AFG1L: variants seen among roughly 807,000 people sequenced by gnomAD.
AFG1L encodes AFG1 like ATPase.
A neutral mutation model predicts 62.2 loss-of-function variants in AFG1L; 53 were observed. That is an observed-to-expected ratio of 0.85 (90% CI 0.68 to 1.07). The LOEUF (loss-of-function observed/expected upper bound fraction) is 1.07. Ranked by LOEUF, AFG1L falls within the 50% of genes least tolerant of loss-of-function variation. AFG1L has a pLI of 0.00. For missense variants in AFG1L, 555 were observed against 590.5 expected (o/e 0.94, Z 0.62); for synonymous variants, 228 against 210.3 (o/e 1.08, Z -0.73).
At chr6:108,503,282 A>G (rs1774274482) in intron 10 of AFG1L, among the ~76,000 whole-genome samples, 1 of 152,206 alleles carries the variant, frequency 6.6e-6, no homozygotes, top group Admixed American at 6.5e-5. Context: ...GAATCGCTAT[A>G]TGTGGCAGCT....
intron 1 of AFG1L, among the ~76,000 whole-genome samples, chr6:108,304,242 G>T (rs956927717): frequency 1.3e-5 from 2 of 152,148 alleles, no homozygotes; most frequent in African/African-American, 4.8e-5. Context: ...GTTTAATTAA[G>T]ATTTGATTTT....
chr6:108,376,097 A>G (rs1457160997), intron 6 of AFG1L, among the ~76,000 whole-genome samples: 1 of 152,104 alleles, frequency 6.6e-6, no homozygotes, highest in Non-Finnish European at 1.5e-5. Flanking sequence ...GTTTGTGTGC[A>G]TAGAGGTGTT....
chr6:108,332,771 C>A (rs1198832193), intron 2 of AFG1L, among the ~76,000 whole-genome samples: 1 of 152,002 alleles, frequency 6.6e-6, no homozygotes, highest in South Asian at 2.1e-4. Context: ...CCATGCCTGG[C>A]TAATTTTTTG....
chr6:108,419,669 C>G (rs1246535541), intron 7 of AFG1L, among the ~76,000 whole-genome samples: 1 of 152,028 alleles, frequency 6.6e-6, no homozygotes, highest in Non-Finnish European at 1.5e-5. Context: ...GTTTAATGTT[C>G]AGGTAATGAC....
chr6:108,386,231 G>A (rs1043484510), intron 6 of AFG1L, among the ~76,000 whole-genome samples: 1 of 152,220 alleles, frequency 6.6e-6, no homozygotes, highest in Non-Finnish European at 1.5e-5. Context: ...GGAGGCCAAG[G>A]CGGGTGGATC....
intron 6 of AFG1L, among the ~76,000 whole-genome samples, chr6:108,374,449 C>A (rs1008377441): frequency 6.6e-6 from 1 of 152,142 alleles, no homozygotes; most frequent in Non-Finnish European, 1.5e-5. Flanking sequence ...AGATTTTCAT[C>A]TAGGATTCTT....
At chr6:108,441,701 T>TAAA (rs33913085) in intron 7 of AFG1L, among the ~76,000 whole-genome samples, 17 of 141,788 alleles carry the variant, frequency 1.2e-4, no homozygotes, top group African/African-American at 3.7e-4. Flanking sequence ...GAGGTTTATT[T>TAAA]AAAAAAAAAA....
intron 2 of AFG1L, among the ~76,000 whole-genome samples, chr6:108,344,396 A>G (rs965118132): frequency 3.9e-5 from 6 of 152,094 alleles, no homozygotes; most frequent in Admixed American, 2.6e-4. Flanking sequence ...TACAGGCATG[A>G]GCCATCGCGC....
intron 7 of AFG1L, among the ~76,000 whole-genome samples, chr6:108,417,200 T>A (rs1770337466): frequency 6.7e-6 from 1 of 149,066 alleles, no homozygotes; most frequent in East Asian, 2.0e-4. Context: ...CACCACTGGA[T>A]TCCAGCGTGG....
intron 10 of AFG1L, among the ~76,000 whole-genome samples, chr6:108,507,074 A>G (rs980679884): frequency 4.6e-5 from 7 of 152,106 alleles, no homozygotes; most frequent in Admixed American, 4.6e-4. Flanking sequence ...CTTCTTTCTC[A>G]TGTTTTTAAA....
chr6:108,335,426 G>A (rs1778440001), intron 2 of AFG1L, among the ~76,000 whole-genome samples: 1 of 152,216 alleles, frequency 6.6e-6, no homozygotes. Flanking sequence ...CCATGTATCT[G>A]TGTGAGAGTG....
At chr6:108,436,220 C>G (rs1261348373) in intron 7 of AFG1L, among the ~76,000 whole-genome samples, 1 of 152,086 alleles carries the variant, frequency 6.6e-6, no homozygotes, top group Non-Finnish European at 1.5e-5. Context: ...TCTTGGCTCA[C>G]TGCAACATCT....
chr6:108,514,439 G>A lies in AFG1L; in HGVS notation c.1203+4087G>A, dbSNP rs577253076. Among the ~76,000 whole-genome samples, 9 of 152,006 alleles carry A rather than the reference G, an allele frequency of 5.9e-5. No individual in the cohort carries two copies. In the East Asian group the frequency reaches 1.4e-3, roughly 23 times the overall value. Reference sequence around the variant, plus strand: ...GAGAAATAAAATCCTTTACAGACAAGCAAATGCTGAGAGATTTTGTCACCA... The same window carrying A: ...GAGAAATAAAATCCTTTACAGACAAACAAATGCTGAGAGATTTTGTCACCA... On this transcript the variant is annotated intron_variant, in intron 11 of 12. Coordinates refer to ENST00000368977, the MANE Select transcript of AFG1L (RefSeq NM_145315.5).
chr6:108,417,178 A>T (rs1002266242), intron 7 of AFG1L, among the ~76,000 whole-genome samples: 12 of 151,356 alleles, frequency 7.9e-5, no homozygotes, highest in African/African-American at 2.7e-4. Flanking sequence ...AGGCTGCAGT[A>T]AGCCACGATT....
At chr6:108,298,704 A>C (rs1208470186) in intron 1 of AFG1L, among the ~76,000 whole-genome samples, 1 of 152,204 alleles carries the variant, frequency 6.6e-6, no homozygotes, top group African/African-American at 2.4e-5. Flanking sequence ...CAGTATGTTA[A>C]GATGTCTAAG....
At chr6:108,475,683 C>G (rs1773079212) in intron 8 of AFG1L, among the ~76,000 whole-genome samples, 1 of 152,070 alleles carries the variant, frequency 6.6e-6, no homozygotes. Context: ...TTTTAATGTC[C>G]TTTGAGGTGG....
chr6:108,520,736 C>T (rs1775093963), intron 12 of AFG1L: 1 of 152,200 alleles, frequency 6.6e-6, no homozygotes, highest in African/African-American at 2.4e-5. Context: ...TCTGCTATAA[C>T]AAAACACCAT....
intron 1 of AFG1L, among the ~76,000 whole-genome samples, chr6:108,301,092 G>C (rs184180091): frequency 6.6e-6 from 1 of 152,308 alleles, no homozygotes; most frequent in Admixed American, 6.5e-5. Flanking sequence ...CCCTGAGACT[G>C]ATTATCTTTA....
chr6:108,493,444 A>AACTTAAGCTGAAT (rs1337826661), intron 10 of AFG1L, among the ~76,000 whole-genome samples: 1 of 152,166 alleles, frequency 6.6e-6, no homozygotes, highest in Non-Finnish European at 1.5e-5. Flanking sequence ...TTAAGCTGAA[A>AACTTAAGCTGAAT]ACTTAAGCTG....
Sources: gnomAD v4.1 joint callset for allele counts (sites outside exome capture counted in the v4.1 genomes callset) on GRCh38, gnomAD v4.1.1 for gene constraint, MANE v1.5 for transcripts, NCBI Gene and HGNC (gene_info 2026-07-23, HGNC 2026-07-21) for gene names.